Variants in CKAP5 observed in about 807,000 individuals in gnomAD.
CKAP5 encodes the protein cytoskeleton associated protein 5.
In CKAP5, 27 loss-of-function variants were observed where a neutral mutation model predicts 232.8. The observed-to-expected ratio is 0.12, with a 90% CI of 0.09 to 0.16. CKAP5 has a LOEUF of 0.16. CKAP5 is among the 10% of genes least tolerant of loss of function. CKAP5 has a pLI of 1.00. For missense variants in CKAP5, 1,838 were observed against 2,424.7 expected (o/e 0.76, Z 5.08); for synonymous variants, 785 against 841.1 (o/e 0.93, Z 1.16).
At chr11:46,796,714 T>C in intron 12 of CKAP5, 98 bp downstream of exon 12, 2 of 1,350,802 alleles carry the variant, frequency 1.5e-6, no homozygotes. Flanking sequence ...GAACTCCTCA[T>C]CAAAACTACC....
intron 18 of CKAP5, among the ~76,000 whole-genome samples, chr11:46,782,114 C>T (rs373036967): frequency 1.4e-4 from 22 of 152,226 alleles, no homozygotes; most frequent in African/African-American, 1.7e-4. Flanking sequence ...CATGAGCCAC[C>T]GCGCCCGGCC....
chr11:46,755,337 C>T (rs1010249148), intron 35 of CKAP5, among the ~76,000 whole-genome samples: 1 of 152,064 alleles, frequency 6.6e-6, no homozygotes, highest in Non-Finnish European at 1.5e-5. Flanking sequence ...CCTCAGCCTC[C>T]TAAGTAGCTA....
At chr11:46,789,110 T>C (rs908933075) in intron 15 of CKAP5, among the ~76,000 whole-genome samples, 10 of 152,354 alleles carry the variant, frequency 6.6e-5, no homozygotes, top group African/African-American at 2.4e-4. Flanking sequence ...ACTGCTTATA[T>C]GTATTTTCTC....
intron 32 of CKAP5, 134 bp downstream of exon 32, chr11:46,761,866 G>T: frequency 1.6e-6 from 1 of 637,236 alleles, no homozygotes; most frequent in Non-Finnish European, 2.7e-6. Context: ...TGGATTCTAG[G>T]ACACATTGAT....
chr11:46,824,843 C>A (rs1939617762), intron 1 of CKAP5, among the ~76,000 whole-genome samples: 2 of 152,130 alleles, frequency 1.3e-5, no homozygotes, highest in African/African-American at 2.4e-5. Flanking sequence ...AAATTGCCAA[C>A]AAAGAGAAGC....
chr11:46,818,644 T>C lies in CKAP5; in HGVS notation c.58-141A>G, dbSNP rs112252246. On this transcript the variant is annotated intron_variant, in intron 2 of 43. Transcript: ENST00000529230. ...AAACAAAGGACCCCATGACTAGAAATGAAAAAAGAGTTTAAGAAATTGGCA... is the reference window on the plus strand; with the variant it reads ...AAACAAAGGACCCCATGACTAGAAACGAAAAAAGAGTTTAAGAAATTGGCA... 557 of 581,674 alleles carry C rather than the reference T, an allele frequency of 9.6e-4. 3 individuals carry two copies. The African/African-American group carries it at 9.6e-3, about 10-fold the overall frequency. 36.0% of individuals were successfully genotyped at this position (581,674 alleles called of 1,614,324 possible).
At chr11:46,757,756 T>C (rs933084508) in intron 35 of CKAP5, among the ~76,000 whole-genome samples, 1 of 141,690 alleles carries the variant, frequency 7.1e-6, no homozygotes, top group African/African-American at 2.6e-5. Context: ...CCCAGCTAAT[T>C]TTTGTATTTT....
rs1417121494 is a variant in CKAP5 at position 46,846,256 on chromosome 11, C to T, written c.-74G>A. On this transcript the variant is annotated 5_prime_UTR_variant, in exon 1 of 44. Transcript: ENST00000529230. ...CAGAACCAAGCGGCCTGCTCTAAGC[C>T]GTTTGAAACCGCTTGGGCCGCCGCA... is the stretch of plus-strand genomic sequence containing the variant. The T allele has an allele frequency of 6.6e-6, 1 of 152,304 alleles. No individual in the cohort carries two copies. The highest frequency in any genetic ancestry group is 6.5e-5 in the Admixed American group (1 of 15,276). The allele number at this position is 152,304 out of a possible 1,614,324, so 9.4% of individuals were successfully genotyped here.
At chr11:46,782,156 C>CTA (rs1289184155) in intron 18 of CKAP5, among the ~76,000 whole-genome samples, 17 of 151,316 alleles carry the variant, frequency 1.1e-4, no homozygotes, top group African/African-American at 3.9e-4. Context: ...CTCTCTCTCT[C>CTA]TATATATATA....
At chr11:46,845,819 C>G (rs1326592951) in intron 1 of CKAP5, among the ~76,000 whole-genome samples, 1 of 152,228 alleles carries the variant, frequency 6.6e-6, no homozygotes, top group Admixed American at 6.5e-5. Flanking sequence ...CCCTCGTAGG[C>G]GCTTACTTAT....
intron 16 of CKAP5, among the ~76,000 whole-genome samples, chr11:46,787,304 G>A (rs1044360251): frequency 6.6e-6 from 1 of 152,190 alleles, no homozygotes; most frequent in Admixed American, 6.5e-5. Context: ...AAACATCCTA[G>A]ACAGAAAACA....
At chr11:46,821,818 C>A (rs969386385) in intron 1 of CKAP5, among the ~76,000 whole-genome samples, 1 of 151,470 alleles carries the variant, frequency 6.6e-6, no homozygotes, top group Non-Finnish European at 1.5e-5. Flanking sequence ...GTGGGCAGAT[C>A]ACCTGAGATC....
chr11:46,821,116 T>A (rs1939513276), intron 2 of CKAP5, 59 bp downstream of exon 2: 1 of 1,207,192 alleles, frequency 8.3e-7, no homozygotes, highest in African/African-American at 1.5e-5. Context: ...AAGATGATAG[T>A]ATAACTGCTC....
rs59726492 is a variant in CKAP5 at position 46,743,734 on chromosome 11, AAAAAG to A, written c.*284_*288del. ...AGGACAATTTTACAAATGAGCAATT[AAAAAG>A]AAAAGAAAAGGATCTGGGAACTAGA... is the stretch of plus-strand genomic sequence containing the variant. On this transcript the variant is annotated 3_prime_UTR_variant, in exon 44 of 44. Coordinates refer to ENST00000529230, the MANE Select transcript of CKAP5 (RefSeq NM_001008938.4). The A allele has an allele frequency of 0.69, 236,814 of 341,110 alleles. 84,966 individuals are homozygous for A. The highest frequency in any genetic ancestry group is 0.77 in the Non-Finnish European group (142,247 of 185,202). 21.1% of individuals were successfully genotyped at this position (341,110 alleles called of 1,614,324 possible).
At chr11:46,751,577 G>C in intron 38 of CKAP5, 43 bp from the exon 39 acceptor site, 1 of 1,499,136 alleles carries the variant, frequency 6.7e-7, no homozygotes, top group Non-Finnish European at 9.1e-7. Flanking sequence ...ACTGAAGAAT[G>C]AGGATAATTT....
intron 20 of CKAP5, among the ~76,000 whole-genome samples, chr11:46,778,892 C>T (rs938340287): frequency 1.2e-4 from 18 of 152,038 alleles, no homozygotes; most frequent in African/African-American, 4.1e-4. Context: ...CTGGCTGATA[C>T]GGTGAAACCT....
At chr11:46,842,733 C>T (rs915258685) in intron 1 of CKAP5, among the ~76,000 whole-genome samples, 10 of 151,772 alleles carry the variant, frequency 6.6e-5, no homozygotes, top group South Asian at 4.2e-4. Context: ...TTTGGGAGGC[C>T]GAGGCGGGCG....
intron 26 of CKAP5, 82 bp from the exon 27 acceptor site, chr11:46,767,745 C>G: frequency 1.2e-6 from 1 of 823,952 alleles, no homozygotes; most frequent in South Asian, 1.8e-5. Context: ...ATAATGATGA[C>G]AAGGAAGCTT....
chr11:46,818,775 GAATT>G (rs1281936508), intron 2 of CKAP5, among the ~76,000 whole-genome samples: 2 of 152,020 alleles, frequency 1.3e-5, no homozygotes, highest in Non-Finnish European at 2.9e-5. Context: ...TTGTATCTAA[GAATT>G]ATTACTTCTT....
Sources: gnomAD v4.1 joint callset for allele counts (sites outside exome capture counted in the v4.1 genomes callset) on GRCh38, gnomAD v4.1.1 for gene constraint, MANE v1.5 for transcripts, NCBI Gene and HGNC (gene_info 2026-07-23, HGNC 2026-07-21) for gene names.